LNPEP: variants seen among roughly 807,000 people sequenced by gnomAD.
The protein encoded by LNPEP is leucyl and cystinyl aminopeptidase.
In LNPEP, 64 loss-of-function variants were observed where a neutral mutation model predicts 120.6. That is an observed-to-expected ratio of 0.53 (90% CI 0.43 to 0.65). The LOEUF is 0.65. LNPEP is among the 30% of genes least tolerant of loss of function. LNPEP has a pLI of 0.00. For missense variants in LNPEP, 1,057 were observed against 1,200.0 expected (o/e 0.88, Z 1.76); for synonymous variants, 435 against 425.4 (o/e 1.02, Z -0.28).
At chr5:97,004,867 A>G (rs1321998471) in intron 9 of LNPEP, among the ~76,000 whole-genome samples, 3 of 152,176 alleles carry the variant, frequency 2.0e-5, no homozygotes, top group East Asian at 3.8e-4. Flanking sequence ...TGTTTACTTT[A>G]TACTTACTGT....
At chr5:96,990,458 A>G (rs1004409636) in intron 4 of LNPEP, among the ~76,000 whole-genome samples, 2 of 152,220 alleles carry the variant, frequency 1.3e-5, no homozygotes, top group African/African-American at 4.8e-5. Flanking sequence ...TTCTATACAT[A>G]TAATTCTTCC....
chr5:96,947,107 T>G (rs1427026608), intron 1 of LNPEP, among the ~76,000 whole-genome samples: 1 of 152,240 alleles, frequency 6.6e-6, no homozygotes, highest in Non-Finnish European at 1.5e-5. Flanking sequence ...GTGAAAGTAT[T>G]TGCAGCTATG....
chr5:96,975,296 A>T (rs1052893554), intron 1 of LNPEP, among the ~76,000 whole-genome samples: 10 of 152,170 alleles, frequency 6.6e-5, no homozygotes, highest in Non-Finnish European at 1.5e-4. Context: ...CTCAAAAAAA[A>T]TTAGAAAATG....
intron 2 of LNPEP, 70 bp from the exon 3 acceptor site, chr5:96,985,010 G>C: frequency 6.6e-7 from 1 of 1,504,524 alleles, no homozygotes; most frequent in Non-Finnish European, 9.1e-7. Flanking sequence ...ATTTATCTTA[G>C]TATACTTGGC....
intron 11 of LNPEP, chr5:97,010,951 T>C: frequency 1.0e-6 from 1 of 985,410 alleles, no homozygotes; most frequent in Non-Finnish European, 1.2e-6. Context: ...TGTCTGTCTT[T>C]GTGCTGTTGG....
rs1345990192 is a variant in LNPEP, at chr5:97,036,909, A to T, written c.*8376A>T. On this transcript the variant is annotated 3_prime_UTR_variant, in exon 18 of 18. Coordinates refer to ENST00000231368, the MANE Select transcript of LNPEP (RefSeq NM_005575.3). ...CTTTTTGGAGTTAGTCATGGTAGTC[A>T]TTAGTGATATTTCTGAACAGTTCTT... The T allele has an allele frequency of 6.6e-6, 1 of 152,212 alleles. No homozygotes were observed. The highest frequency in any genetic ancestry group is 1.5e-5 in the Non-Finnish European group (1 of 68,024). The allele number at this position is 152,212 out of a possible 1,614,324, so 9.4% of individuals were successfully genotyped here.
chr5:96,945,793 G>A (rs145800327), intron 1 of LNPEP, among the ~76,000 whole-genome samples: 2 of 152,284 alleles, frequency 1.3e-5, no homozygotes, highest in African/African-American at 4.8e-5. Flanking sequence ...CATTCGGTCA[G>A]TTGAGGGGCC....
intron 13 of LNPEP, among the ~76,000 whole-genome samples, chr5:97,021,923 G>T (rs79571376): frequency 0.014 from 782 of 56,700 alleles, 5 homozygotes; most frequent in Admixed American, 0.052. Context: ...TTTGTCTTTT[G>T]TTTTTTTTTT....
chr5:97,010,729 G>A, intron 11 of LNPEP: 2 of 985,320 alleles, frequency 2.0e-6, no homozygotes, highest in Non-Finnish European at 2.4e-6. Context: ...CTACTCAATA[G>A]ACTGAAAATT....
At chr5:96,973,312 T>C (rs902894347) in intron 1 of LNPEP, among the ~76,000 whole-genome samples, 3 of 152,222 alleles carry the variant, frequency 2.0e-5, no homozygotes, top group South Asian at 4.1e-4. Flanking sequence ...ATTCTAGTGT[T>C]TTTCTTTCTT....
intron 13 of LNPEP, among the ~76,000 whole-genome samples, 172 bp downstream of exon 13, chr5:97,015,267 T>C (rs1178195473): frequency 1.3e-5 from 2 of 152,160 alleles, no homozygotes; most frequent in Admixed American, 6.6e-5. Flanking sequence ...GATGAAGAGC[T>C]GATAAAGGCT....
intron 1 of LNPEP, among the ~76,000 whole-genome samples, chr5:96,939,372 C>G (rs1030312333): frequency 6.6e-6 from 1 of 151,938 alleles, no homozygotes; most frequent in African/African-American, 2.4e-5. Context: ...CGCCACCATG[C>G]CCAAATAATT....
intron 1 of LNPEP, among the ~76,000 whole-genome samples, chr5:96,940,042 T>A (rs1172691787): frequency 6.6e-6 from 1 of 152,218 alleles, no homozygotes. Flanking sequence ...TTTTTATCTT[T>A]CTGTCTTAAG....
rs183651220 is a variant in LNPEP at position 96,988,112 on chromosome 5, T to C, written c.1131+1442T>C. 4.0e-3 allele frequency among the ~76,000 whole-genome samples: 610 copies of C among 152,140 alleles called. 5 individuals are homozygous for C. The highest frequency in any genetic ancestry group is 0.014 in the African/African-American group (573 of 41,470). ...ATGTATCCCAAAATGTATGCAGTCT[T>C]GGCATTTTCCCCCCTTCTTTTCTTC... is the stretch of plus-strand genomic sequence containing the variant. On this transcript the variant is annotated intron_variant, in intron 4 of 17. Coordinates refer to ENST00000231368, the MANE Select transcript of LNPEP (RefSeq NM_005575.3).
rs1221153763 is a variant in LNPEP at position 97,026,688 on chromosome 5, G to T, written c.2795G>T (p.Gly932Val). 1.2e-6 allele frequency: 2 copies of T among 1,612,872 alleles called. No homozygotes were observed. Among genetic ancestry groups the T allele is most frequent in the Admixed American group, 1.7e-5 (1 of 60,002 alleles). ...QKLSFIIRTV[G>V]RHFPGHLLAW... ...CTGTCTTTTATCATTAGAACAGTGGGTCGACATTTTCCTGGACACTTACTG... is the reference window on the plus strand; with the variant it reads ...CTGTCTTTTATCATTAGAACAGTGGTTCGACATTTTCCTGGACACTTACTG... The change falls in exon 16 of 18, where the codon GGT becomes GTT. Residue 932 changes from glycine (G) to valine (V), a missense_variant. By Grantham distance (109) the Gly-to-Val change is moderately radical (BLOSUM62 -3). Coordinates refer to ENST00000231368, the MANE Select transcript of LNPEP (RefSeq NM_005575.3).
rs956582413 is a variant in LNPEP at position 97,029,908 on chromosome 5, G to C, written c.*1375G>C. On this transcript the variant is annotated 3_prime_UTR_variant, in exon 18 of 18. Coordinates refer to ENST00000231368, the MANE Select transcript of LNPEP (RefSeq NM_005575.3). ...TATACCTAGATTGTTGTGTTTCTTTGATTCTTAGGAGAAAAGCTTTCTTCC... is the reference window on the plus strand; with the variant it reads ...TATACCTAGATTGTTGTGTTTCTTTCATTCTTAGGAGAAAAGCTTTCTTCC... 2.0e-5 allele frequency: 3 copies of C among 151,944 alleles called. No homozygotes were observed. The highest frequency in any genetic ancestry group is 7.2e-5 in the African/African-American group (3 of 41,398). 9.4% of individuals were successfully genotyped at this position (151,944 alleles called of 1,614,324 possible). A position where few individuals can be genotyped will look rare whatever the true frequency, so the allele number is the denominator to read the frequency against.
In LNPEP at chr5:97,014,945, C is replaced by A; in HGVS notation, c.2226C>A (p.Gly742=). 1 of 1,558,888 alleles carries A rather than the reference C, an allele frequency of 6.4e-7. No individual in the cohort carries two copies. The highest frequency in any genetic ancestry group is 8.7e-7 in the Non-Finnish European group (1 of 1,154,314). The stretch of plus-strand genomic sequence containing the variant: ...CTGTTCTTTTATCCTTTAGCCTAGG[C>A]AAGGTACCTCTCAAGAGGGCCTTTG... ...INNIFELAGL[G]KVPLKRAFDL... The change falls in exon 13 of 18, where the codon GGC becomes GGA. Residue 742 remains glycine, a synonymous_variant. Transcript: ENST00000231368.
chr5:96,969,188 G>T (rs1205616624), intron 1 of LNPEP, among the ~76,000 whole-genome samples: 1 of 150,468 alleles, frequency 6.6e-6, no homozygotes, highest in African/African-American at 2.4e-5. Context: ...CCCTTTTTAA[G>T]AAAGAAATAC....
At chr5:96,982,375 T>C (rs1273583304) in intron 2 of LNPEP, among the ~76,000 whole-genome samples, 1 of 152,230 alleles carries the variant, frequency 6.6e-6, no homozygotes, top group African/African-American at 2.4e-5. Context: ...AAATATACTC[T>C]CCAGTGAAAG....
Sources: allele counts gnomAD v4.1 joint callset (sites outside exome capture counted in the v4.1 genomes callset), GRCh38; gene constraint gnomAD v4.1.1; transcripts MANE v1.5; gene names NCBI Gene and HGNC (gene_info 2026-07-23, HGNC 2026-07-21).